Variants in TJP1 observed in about 807,000 individuals in gnomAD.
The protein encoded by TJP1 is tight junction protein ZO-1.
Under a neutral mutation model 194.2 loss-of-function variants are expected in TJP1, and 43 were observed. The observed-to-expected ratio is 0.22, with a 90% confidence interval of 0.17 to 0.29. The LOEUF (loss-of-function observed/expected upper bound fraction) is 0.29, where lower values mean the gene tolerates loss of function less well. Ranked by LOEUF, TJP1 falls within the 10% of genes least tolerant of loss-of-function variation. TJP1 has a pLI of 1.00. For missense variants in TJP1, 1,971 were observed against 2,185.7 expected (o/e 0.90, Z 1.96); for synonymous variants, 801 against 779.0 (o/e 1.03, Z -0.47).
At chr15:29,939,870 G>A (rs1156424497) in intron 2 of TJP1, among the ~76,000 whole-genome samples, 2 of 152,134 alleles carry the variant, frequency 1.3e-5, no homozygotes, top group Non-Finnish European at 2.9e-5. Context: ...GCGATGGCCT[G>A]ATCTTGGTCA....
At chr15:29,790,421 A>G (rs773581728) in intron 2 of TJP1, among the ~76,000 whole-genome samples, 1 of 140,578 alleles carries the variant, frequency 7.1e-6, no homozygotes, top group African/African-American at 2.6e-5. Context: ...TATAGTAAAC[A>G]GTAGTTGTAT....
intron 1 of TJP1, among the ~76,000 whole-genome samples, chr15:29,809,834 C>G (rs2049365608): frequency 6.8e-6 from 1 of 148,098 alleles, no homozygotes; most frequent in Admixed American, 6.8e-5. Flanking sequence ...CAACCAGGAG[C>G]GAAACTCCGT....
intron 2 of TJP1, among the ~76,000 whole-genome samples, chr15:29,847,735 A>T (rs1228016983): frequency 2.0e-5 from 3 of 152,174 alleles, no homozygotes; most frequent in Non-Finnish European, 4.4e-5. Context: ...CAGTGAGCAG[A>T]GATCGCGCTA....
At chr15:29,748,142 T>C (rs1057348450) in intron 8 of TJP1, among the ~76,000 whole-genome samples, 3 of 152,220 alleles carry the variant, frequency 2.0e-5, no homozygotes, top group African/African-American at 7.2e-5. Flanking sequence ...CTAGAATCCA[T>C]GTTAAATAAA....
intron 8 of TJP1, among the ~76,000 whole-genome samples, chr15:29,754,548 G>A (rs2045518863): frequency 6.6e-6 from 1 of 152,034 alleles, no homozygotes; most frequent in Admixed American, 6.6e-5. Flanking sequence ...CTAGTCAGAA[G>A]ATCGTTACCT....
chr15:29,708,584 T>C lies in TJP1; in HGVS notation c.4825A>G (p.Thr1609Ala). The change falls in exon 25 of 28, where the codon ACA becomes GCA. Residue 1609 changes from threonine (T) to alanine (A), a missense_variant. Physicochemically the swap from Thr to Ala is moderately conservative, Grantham distance 58. This residue lies in a region of TJP1 where 1,108 missense variants were observed against 1,128.5 expected (regional missense o/e 0.98). Coordinates refer to ENST00000614355, the MANE Select transcript of TJP1 (RefSeq NM_001330239.4). The stretch of plus-strand genomic sequence containing the variant: ...CTCACAGGAATAGCTTTAGGCACTG[T>C]GCTGATATTATTTATTTGATATTTA... ...KPKYQINNIS[T>A]VPKAIPVSPS... is the part of the protein sequence containing the mutation. 1 of 1,613,138 alleles carries C rather than the reference T, an allele frequency of 6.2e-7. No homozygotes were observed. Among genetic ancestry groups the C allele is most frequent in the Non-Finnish European group, 8.5e-7 (1 of 1,179,112 alleles).
At chr15:29,959,060 C>G (rs1157060135) in intron 1 of TJP1, among the ~76,000 whole-genome samples, 4 of 151,534 alleles carry the variant, frequency 2.6e-5, no homozygotes, top group African/African-American at 9.7e-5. Context: ...CGCGATCTCA[C>G]CTCACTGCAA....
intron 8 of TJP1, among the ~76,000 whole-genome samples, chr15:29,758,434 G>A (rs2045788099): frequency 6.6e-6 from 1 of 152,012 alleles, no homozygotes; most frequent in South Asian, 2.1e-4. Context: ...AATTTTAGGG[G>A]GGAAAAACCC....
Position 29,956,384 on chromosome 15 carries a change from T to G in TJP1, c.174-20A>C, listed in dbSNP as rs1414068143. On this transcript the variant is annotated intron_variant, in intron 1 of 28. Coordinates refer to the TJP1 transcript ENST00000356107. ...GTTACCCTGCAAGAAAGAAAAAAAT[T>G]CTTAAAAAGGCAGGTTTACAGGTGA... The G allele has an allele frequency of 3.1e-6, 4 of 1,282,888 alleles. No homozygotes were observed. In the Admixed American group the frequency reaches 7.1e-5, roughly 23 times the overall value. The allele number at this position is 1,282,888 out of a possible 1,614,324, so 79.5% of individuals were successfully genotyped here.
chr15:29,721,364 T>C (rs1218417336), intron 18 of TJP1, among the ~76,000 whole-genome samples: 1 of 152,044 alleles, frequency 6.6e-6, no homozygotes, highest in Non-Finnish European at 1.5e-5. Flanking sequence ...TTTTTTTAAG[T>C]GTGCAGCACC....
intron 2 of TJP1, among the ~76,000 whole-genome samples, chr15:29,888,164 A>G (rs1459872324): frequency 6.6e-6 from 1 of 152,142 alleles, no homozygotes; most frequent in African/African-American, 2.4e-5. Flanking sequence ...ACTAAATTGC[A>G]TATTCAATAA....
chr15:29,833,872 TA>T (rs1567116913), intron 2 of TJP1, among the ~76,000 whole-genome samples: 20 of 25,636 alleles, frequency 7.8e-4, no homozygotes, highest in South Asian at 1.7e-3. Context: ...TATATATATA[TA>T]TATATATATT....
chr15:29,864,119 C>T (rs1015093381), intron 2 of TJP1, among the ~76,000 whole-genome samples: 24 of 151,590 alleles, frequency 1.6e-4, no homozygotes, highest in African/African-American at 5.1e-4. Flanking sequence ...CCCGGCCGGG[C>T]GCGGTGGCTC....
At chr15:29,803,046 A>C (rs2048891950) in intron 1 of TJP1, among the ~76,000 whole-genome samples, 1 of 152,140 alleles carries the variant, frequency 6.6e-6, no homozygotes, top group Non-Finnish European at 1.5e-5. Context: ...TGGTTATCCT[A>C]ATTTTGTTTA....
At chr15:29,772,454 A>G (rs2046752940) in intron 3 of TJP1, among the ~76,000 whole-genome samples, 1 of 152,220 alleles carries the variant, frequency 6.6e-6, no homozygotes, top group South Asian at 2.1e-4. Flanking sequence ...TCTTGGTAGT[A>G]CAGTTACAGG....
In TJP1 at chr15:29,742,783, T is replaced by G. The variant is rs547830017; in HGVS notation, c.1011-2A>C. The G allele has an allele frequency of 1.3e-6, 2 of 1,573,900 alleles. No homozygotes were observed. The highest frequency in any genetic ancestry group is 1.4e-5 in the African/African-American group (1 of 72,770). On this transcript the variant is annotated splice_acceptor_variant, in intron 8 of 27. Coordinates refer to ENST00000614355, the MANE Select transcript of TJP1 (RefSeq NM_001330239.4). LOFTEE classifies it high-confidence loss of function. ...CTCTCTTCATCTCTACTCCGGAGAC[T>G]GTGTGTCATTAAAATAAAAAATCAA...
At chr15:29,888,509 C>G (rs1217798600) in intron 2 of TJP1, among the ~76,000 whole-genome samples, 1 of 152,010 alleles carries the variant, frequency 6.6e-6, no homozygotes, top group Non-Finnish European at 1.5e-5. Flanking sequence ...CCAATTTTTT[C>G]CAACCAAAAT....
chr15:29,738,411 G>A (rs2044175828), intron 10 of TJP1, among the ~76,000 whole-genome samples: 2 of 152,120 alleles, frequency 1.3e-5, no homozygotes, highest in Non-Finnish European at 2.9e-5. Context: ...TGAGGAAGGA[G>A]AGATTTCTAG....
At chr15:29,951,387 C>T (rs2055747149) in intron 2 of TJP1, among the ~76,000 whole-genome samples, 1 of 151,964 alleles carries the variant, frequency 6.6e-6, no homozygotes, top group South Asian at 2.1e-4. Context: ...AGGCTGGTCT[C>T]GAACTCCTGA....
Sources: gnomAD v4.1 joint callset for allele counts (sites outside exome capture counted in the v4.1 genomes callset) on GRCh38, gnomAD v4.1.1 for gene constraint, gnomAD v4.1.1 regional missense constraint, MANE v1.5 for transcripts, NCBI Gene and HGNC (gene_info 2026-07-23, HGNC 2026-07-21) for gene names.